Variants in ESR1 observed in about 807,000 individuals in gnomAD.
ESR1 encodes the protein estrogen receptor 1.
In ESR1, 12 loss-of-function variants were observed where a neutral mutation model predicts 52.7. The observed-to-expected ratio is 0.23, with a 90% CI of 0.15 to 0.37. ESR1 has a LOEUF of 0.37. ESR1 is among the 10% of genes least tolerant of loss of function. ESR1 has a pLI of 1.00. For missense variants in ESR1, 584 were observed against 779.7 expected, an observed-to-expected ratio of 0.75 and a Z score of 2.99; for synonymous variants, 305 against 316.8, an observed-to-expected ratio of 0.96 and a Z score of 0.39.
intron 6 of ESR1, among the ~76,000 whole-genome samples, chr6:152,069,117 GAGAA>G (rs2048190871): frequency 7.3e-6 from 1 of 137,096 alleles, no homozygotes; most frequent in Non-Finnish European, 1.5e-5. Context: ...AGCTGTAGCA[GAGAA>G]AGAGTTTAAT....
intron 1 of ESR1, among the ~76,000 whole-genome samples, chr6:151,826,922 T>C (rs570113610): frequency 6.6e-6 from 1 of 152,266 alleles, no homozygotes; most frequent in South Asian, 2.1e-4. Context: ...CCATGAGATA[T>C]CCTGGTGAAA....
chr6:151,930,903 T>C (rs921512036), intron 3 of ESR1, among the ~76,000 whole-genome samples: 4 of 152,200 alleles, frequency 2.6e-5, no homozygotes, highest in African/African-American at 9.6e-5. Flanking sequence ...TATTTCATCC[T>C]GTTCTCTATG....
At chr6:152,028,604 C>T (rs2044373362) in intron 5 of ESR1, among the ~76,000 whole-genome samples, 1 of 152,166 alleles carries the variant, frequency 6.6e-6, no homozygotes. Flanking sequence ...GGGACGGGCG[C>T]CTGCCATTGC....
intron 2 of ESR1, among the ~76,000 whole-genome samples, chr6:151,760,366 A>G (rs1784580025): frequency 6.6e-6 from 1 of 152,204 alleles, no homozygotes; most frequent in Non-Finnish European, 1.5e-5. Context: ...AAGGGTCTAT[A>G]TTGCAACAAA....
chr6:152,059,638 A>G (rs2047393202), intron 5 of ESR1, among the ~76,000 whole-genome samples: 1 of 152,204 alleles, frequency 6.6e-6, no homozygotes, highest in African/African-American at 2.4e-5. Context: ...CTATTGTACA[A>G]GCTATTTGAA....
intron 1 of ESR1, among the ~76,000 whole-genome samples, chr6:151,832,725 G>T (rs552231317): frequency 1.9e-4 from 29 of 152,236 alleles, no homozygotes; most frequent in African/African-American, 5.5e-4. Flanking sequence ...TGAAAAGTGC[G>T]ATTCCAGGTG....
intron 2 of ESR1, among the ~76,000 whole-genome samples, chr6:151,768,092 C>T (rs1240291615): frequency 6.6e-6 from 1 of 152,054 alleles, no homozygotes; most frequent in African/African-American, 2.4e-5. Flanking sequence ...AAAACAGGAC[C>T]AGAAACAGGA....
chr6:152,110,311 A>G (rs113546055), intron 6 of ESR1, among the ~76,000 whole-genome samples: 4 of 152,224 alleles, frequency 2.6e-5, no homozygotes, highest in African/African-American at 9.7e-5. Flanking sequence ...GATAAGGAAA[A>G]TGTGGTATAT....
At chr6:151,732,884 T>C (rs1782362807) in intron 2 of ESR1, among the ~76,000 whole-genome samples, 1 of 152,110 alleles carries the variant, frequency 6.6e-6, no homozygotes, top group African/African-American at 2.4e-5. Flanking sequence ...GTTTTTGACT[T>C]TGTGAATCTA....
intron 3 of ESR1, chr6:151,936,330 T>C (rs549227525): frequency 6.6e-6 from 1 of 152,270 alleles, no homozygotes; most frequent in Non-Finnish European, 1.5e-5. Context: ...TAGGAGAAGT[T>C]GGGGGGTGGT....
intron 6 of ESR1, among the ~76,000 whole-genome samples, chr6:152,087,604 A>C (rs573801270): frequency 6.6e-6 from 1 of 152,296 alleles, no homozygotes; most frequent in Admixed American, 6.5e-5. Flanking sequence ...GTGGCTTCCA[A>C]GGTCATCCTA....
intron 2 of ESR1, among the ~76,000 whole-genome samples, chr6:151,731,195 A>G: frequency 6.6e-6 from 1 of 152,048 alleles, no homozygotes; most frequent in Non-Finnish European, 1.5e-5. Context: ...CGTGTCTACT[A>G]AAAATATAAA....
chr6:151,948,417 C>A (rs1372402850), intron 4 of ESR1, among the ~76,000 whole-genome samples: 1 of 151,988 alleles, frequency 6.6e-6, no homozygotes, highest in African/African-American at 2.4e-5. Flanking sequence ...TACTTATAAC[C>A]CAAAGTGTAG....
chr6:151,691,099 C>A (rs1446508344), intron 1 of ESR1, among the ~76,000 whole-genome samples: 1 of 152,164 alleles, frequency 6.6e-6, no homozygotes, highest in Non-Finnish European at 1.5e-5. Flanking sequence ...ATCTTTGGAG[C>A]CATAACTTAC....
chr6:151,778,868 C>T (rs1183758975), intron 2 of ESR1, among the ~76,000 whole-genome samples: 1 of 152,156 alleles, frequency 6.6e-6, no homozygotes, highest in African/African-American at 2.4e-5. Context: ...TGCAAGTTCT[C>T]CTGGGTAAGC....
intron 6 of ESR1, among the ~76,000 whole-genome samples, chr6:152,122,860 C>T (rs1228018628): frequency 6.6e-6 from 1 of 152,186 alleles, no homozygotes; most frequent in African/African-American, 2.4e-5. Context: ...TTGTTGGAAA[C>T]TGCACTGACA....
chr6:151,991,628 T>A (rs1037262487), intron 4 of ESR1, among the ~76,000 whole-genome samples: 1 of 152,078 alleles, frequency 6.6e-6, no homozygotes, highest in Admixed American at 6.6e-5. Context: ...CACACTGATT[T>A]GGGGAAGATG....
Position 151,965,197 on chromosome 6 carries a change from A to G in ESR1, c.1096+20689A>G, listed in dbSNP as rs570335224. The stretch of plus-strand genomic sequence containing the variant: ...TCTGATCCAAAACTCGCTATTTTTC[A>G]GTTAATATGCAGTGACTGTCTTTCC... On this transcript the variant is annotated intron_variant, in intron 4 of 7. Coordinates refer to ENST00000206249, the MANE Select transcript of ESR1 (RefSeq NM_000125.4). 4.6e-5 allele frequency among the ~76,000 whole-genome samples: 7 copies of G among 152,320 alleles called. No individual in the cohort carries two copies. The South Asian group carries it at 1.4e-3, about 32-fold the overall frequency.
chr6:152,029,135 A>G (rs1362507861), intron 5 of ESR1, among the ~76,000 whole-genome samples: 2 of 152,230 alleles, frequency 1.3e-5, no homozygotes, highest in Non-Finnish European at 2.9e-5. Context: ...CCAAAATCCC[A>G]TCTGTACGTC....
Sources: allele counts gnomAD v4.1 joint callset (sites outside exome capture counted in the v4.1 genomes callset), GRCh38; gene constraint gnomAD v4.1.1; transcripts MANE v1.5; gene names NCBI Gene and HGNC (gene_info 2026-07-23, HGNC 2026-07-21).